PIK3C2G: variants seen among roughly 807,000 people sequenced by gnomAD.
PIK3C2G encodes phosphatidylinositol-4-phosphate 3-kinase catalytic subunit type 2 gamma, also known as phosphatidylinositol 3-kinase C2 domain-containing subunit gamma.
In PIK3C2G, 168 loss-of-function variants were observed where a neutral mutation model predicts 181.1. That is an observed-to-expected ratio of 0.93 (90% CI 0.82 to 1.05). The LOEUF (loss-of-function observed/expected upper bound fraction) is 1.05. Among genes scored for constraint, PIK3C2G ranks in the 50% least tolerant of loss-of-function variants. The pLI, the probability that PIK3C2G is intolerant of heterozygous loss-of-function variation, is 0.00. For missense variants in PIK3C2G, 1,869 were observed against 1,732.8 expected (o/e 1.08, Z -1.40); for synonymous variants, 573 against 592.2 (o/e 0.97, Z 0.47).
intron 30 of PIK3C2G, among the ~76,000 whole-genome samples, chr12:18,605,426 G>A (rs1001359674): frequency 3.9e-5 from 6 of 152,128 alleles, no homozygotes; most frequent in African/African-American, 1.4e-4. Context: ...GGATCAGATG[G>A]ATTCACAGCA....
At chr12:18,368,546 T>G (rs192783601) in intron 12 of PIK3C2G, among the ~76,000 whole-genome samples, 51 of 152,322 alleles carry the variant, frequency 3.3e-4, no homozygotes, top group Non-Finnish European at 5.1e-4. Flanking sequence ...TACCCTAAAC[T>G]ATACTAATTA....
At position 18,624,978 on chromosome 12, in the gene PIK3C2G, G is replaced by T. The variant is rs114724508; in HGVS notation, c.4182+15349G>T. 7.0e-3 allele frequency among the ~76,000 whole-genome samples: 1,056 copies of T among 151,588 alleles called. 10 individuals carry two copies. Among genetic ancestry groups the T allele is most frequent in the African/African-American group, 0.024 (1,009 of 41,466 alleles). ...GTTGATTTTGTTTATCTTTTTAAAA[G>T]CCAAACTCTGAGTTTTGTTGATCTT... On this transcript the variant is annotated intron_variant, in intron 31 of 32. Transcript: ENST00000538779.
In PIK3C2G at chr12:18,510,671, A is replaced by G. The variant is rs115632454; in HGVS notation, c.3323+5210A>G. The stretch of plus-strand genomic sequence containing the variant: ...ATGACCAGTGTTTAAGGTCAGGTAC[A>G]CTGGAGACAGACTATGTGTTTTTGT... On this transcript the variant is annotated intron_variant, in intron 24 of 32. Transcript: ENST00000538779. Among the ~76,000 whole-genome samples the G allele has an allele frequency of 2.9e-3, 440 of 152,292 alleles. 2 individuals carry two copies. The highest frequency in any genetic ancestry group is 0.01 in the African/African-American group (426 of 41,562).
intron 10 of PIK3C2G, 37 bp downstream of exon 10, chr12:18,343,397 G>A: frequency 2.7e-6 from 3 of 1,118,938 alleles, no homozygotes; most frequent in Admixed American, 2.8e-5. Flanking sequence ...TTGAAATAAA[G>A]AAAAAAATAA....
chr12:18,385,262 C>T (rs1943092832), intron 14 of PIK3C2G, among the ~76,000 whole-genome samples: 1 of 152,130 alleles, frequency 6.6e-6, no homozygotes, highest in South Asian at 2.1e-4. Context: ...CACACTGCAG[C>T]CACTCCAGTA....
the PIK3C2G span, among the ~76,000 whole-genome samples, chr12:18,657,589 A>C: frequency 6.6e-6 from 1 of 152,200 alleles, no homozygotes; most frequent in Non-Finnish European, 1.5e-5. Context: ...GCTGAACACC[A>C]CTAAGCTAAC....
chr12:18,419,686 A>C (rs555367500), intron 16 of PIK3C2G, among the ~76,000 whole-genome samples: 57 of 152,334 alleles, frequency 3.7e-4, no homozygotes, highest in African/African-American at 1.3e-3. Flanking sequence ...AAAATACTGG[A>C]AATGTACTTG....
chr12:18,456,953 GT>G (rs1257566290), intron 18 of PIK3C2G, among the ~76,000 whole-genome samples: 2 of 152,074 alleles, frequency 1.3e-5, no homozygotes. Flanking sequence ...TTATATAAAA[GT>G]TTTCCATTTT....
At chr12:18,704,132 G>A in the PIK3C2G span, among the ~76,000 whole-genome samples, 23 of 152,202 alleles carry the variant, frequency 1.5e-4, no homozygotes, top group African/African-American at 5.5e-4. Context: ...AGGAAGTGGA[G>A]GTCGACAGTA....
intron 24 of PIK3C2G, among the ~76,000 whole-genome samples, chr12:18,515,041 CTATT>C (rs1483130507): frequency 2.0e-5 from 3 of 151,826 alleles, no homozygotes; most frequent in Non-Finnish European, 4.4e-5. Flanking sequence ...TGTATCACAC[CTATT>C]TATTTGCAGC....
At chr12:18,714,427 T>A in the PIK3C2G span, among the ~76,000 whole-genome samples, 1 of 152,150 alleles carries the variant, frequency 6.6e-6, no homozygotes, top group Admixed American at 6.6e-5. Context: ...TAAATATTTA[T>A]TGTGTTTATA....
rs775821948 is a variant in PIK3C2G, at chr12:18,282,425, C to T, written c.344C>T (p.Pro115Leu). ...PAIGFSPSVL[P>L]KPQNTNKECS... is the part of the protein sequence containing the mutation. The stretch of plus-strand genomic sequence containing the variant: ...ATTGGTTTTAGTCCTTCTGTGTTAC[C>T]AAAACCTCAAAATACGAATAAAGAA... Residue 115 changes from proline (P) to leucine (L), a missense_variant, in exon 2 of 33, where the codon CCA becomes CTA. Coordinates refer to ENST00000538779, the MANE Select transcript of PIK3C2G (RefSeq NM_001288772.2). 12 of 1,612,278 alleles carry T rather than the reference C, an allele frequency of 7.4e-6. No homozygotes were observed. The highest frequency in any genetic ancestry group is 1.0e-5 in the Non-Finnish European group (12 of 1,178,732).
intron 18 of PIK3C2G, among the ~76,000 whole-genome samples, chr12:18,448,599 C>A (rs943281585): frequency 3.3e-5 from 5 of 152,010 alleles, no homozygotes; most frequent in African/African-American, 1.2e-4. Context: ...GTTGGACTTT[C>A]TTTTAGATCC....
At chr12:18,500,574 T>A (rs1383523984) in intron 22 of PIK3C2G, among the ~76,000 whole-genome samples, 3 of 152,264 alleles carry the variant, frequency 2.0e-5, no homozygotes, top group African/African-American at 4.8e-5. Flanking sequence ...GCAGCCCCAA[T>A]GCGAGATCCA....
downstream of PIK3C2G, among the ~76,000 whole-genome samples, chr12:18,650,664 ATGTGTGTGTGTGTGTGTGTGTG>A (rs1159499235): frequency 2.8e-5 from 1 of 35,594 alleles, no homozygotes; most frequent in Non-Finnish European, 5.4e-5. Flanking sequence ...TGGAATATAA[ATGTGTGTGTGTGTGTGTGTGTG>A]TGTGTGTGTG....
intron 5 of PIK3C2G, among the ~76,000 whole-genome samples, chr12:18,309,352 A>T (rs1032620662): frequency 6.6e-6 from 1 of 151,814 alleles, no homozygotes; most frequent in Non-Finnish European, 1.5e-5. Flanking sequence ...TTTTCTCATG[A>T]GAAAAGTCTA....
At position 18,343,427 on chromosome 12, in the gene PIK3C2G, T is replaced by G. The variant is rs555973826; in HGVS notation, c.1429+67T>G. The G allele has an allele frequency of 9.0e-4, 688 of 765,814 alleles. 1 individual carries two copies. Among genetic ancestry groups the G allele is most frequent in the Non-Finnish European group, 1.2e-3 (580 of 467,158 alleles). 47.4% of individuals were successfully genotyped at this position (765,814 alleles called of 1,614,324 possible). A position where few individuals can be genotyped will look rare whatever the true frequency, so the allele number is the denominator to read the frequency against. ...AAATAAGTTACAGAATCCAAAATACTTTTTTCAATTTTTTTATGCAAATAC... is the reference window on the plus strand; with the variant it reads ...AAATAAGTTACAGAATCCAAAATACGTTTTTCAATTTTTTTATGCAAATAC... On this transcript the variant is annotated intron_variant, in intron 10 of 32. Transcript: ENST00000538779.
At chr12:18,365,726 A>C (rs1478014828) in intron 12 of PIK3C2G, among the ~76,000 whole-genome samples, 1 of 152,190 alleles carries the variant, frequency 6.6e-6, no homozygotes, top group East Asian at 1.9e-4. Flanking sequence ...TACAATTTAA[A>C]TGCCAACAGC....
chr12:18,535,051 A>C (rs1013456454), intron 24 of PIK3C2G, among the ~76,000 whole-genome samples: 1 of 152,070 alleles, frequency 6.6e-6, no homozygotes, highest in Non-Finnish European at 1.5e-5. Flanking sequence ...CTTTTGTCAC[A>C]ACCAATTTAT....
Sources: gnomAD v4.1 joint callset for allele counts (sites outside exome capture counted in the v4.1 genomes callset) on GRCh38, gnomAD v4.1.1 for gene constraint, MANE v1.5 for transcripts, NCBI Gene and HGNC (gene_info 2026-07-23, HGNC 2026-07-21) for gene names.